Variants in VPS53 observed in about 807,000 individuals in gnomAD.
VPS53 encodes the protein VPS53 subunit of GARP complex.
VPS53 carries 70 observed loss-of-function variants against 107.0 expected under a neutral mutation model. The ratio of observed to expected loss-of-function variants is 0.65; its 90% CI spans 0.54 to 0.80. The LOEUF (loss-of-function observed/expected upper bound fraction) is 0.80. VPS53 is among the 30% of genes least tolerant of loss of function. The pLI, the probability that VPS53 is intolerant of heterozygous loss-of-function variation, is 0.00. For missense variants in VPS53, 917 were observed against 1,049.4 expected (o/e 0.87, Z 1.74); for synonymous variants, 409 against 393.3 (o/e 1.04, Z -0.47).
At chr17:635,911 T>C (rs1203832055) in intron 7 of VPS53, among the ~76,000 whole-genome samples, 1 of 152,204 alleles carries the variant, frequency 6.6e-6, no homozygotes, top group East Asian at 1.9e-4. Context: ...AACTTTAAAG[T>C]AGTTTTTTCC....
rs548840046 is a variant in VPS53 at position 513,451 on chromosome 17, A to T, written c.*5677T>A. On this transcript the variant is annotated 3_prime_UTR_variant, in exon 22 of 22. Coordinates refer to ENST00000437048, the MANE Select transcript of VPS53 (RefSeq NM_001128159.3). ...TATTTAATATATAAAATGTCATCGTACCCTTCATGTAGGCCAGCATTTCAG... is the reference window on the plus strand; with the variant it reads ...TATTTAATATATAAAATGTCATCGTTCCCTTCATGTAGGCCAGCATTTCAG... The T allele has an allele frequency of 2.6e-5, 4 of 152,346 alleles. No homozygotes were observed. In the South Asian group the frequency reaches 8.3e-4, roughly 32 times the overall value. The allele number at this position is 152,346 out of a possible 1,614,324, so 9.4% of individuals were successfully genotyped here.
At chr17:646,015 G>A (rs1970682261) in intron 7 of VPS53, among the ~76,000 whole-genome samples, 1 of 132,526 alleles carries the variant, frequency 7.5e-6, no homozygotes, top group African/African-American at 2.6e-5. Context: ...TCACGGACTG[G>A]AGACTGGCTC....
intron 11 of VPS53, among the ~76,000 whole-genome samples, chr17:622,253 A>G (rs899301542): frequency 4.6e-5 from 7 of 152,076 alleles, no homozygotes. Context: ...AATAAAGGAT[A>G]GTCTTTTCTT....
In VPS53 at chr17:714,837, G is replaced by A. The variant is rs909343269; in HGVS notation, c.-128C>T. On this transcript the variant is annotated 5_prime_UTR_variant, in exon 1 of 22. Transcript: ENST00000437048. The stretch of plus-strand genomic sequence containing the variant: ...TGAGCCCGGCTCCGTCAGCCGCTCT[G>A]TCAGCCGCTCCGGCACTTCCGGCAG... The A allele has an allele frequency of 4.9e-5, 51 of 1,039,126 alleles. No homozygotes were observed. The African/African-American group carries it at 6.3e-4, about 13-fold the overall frequency. The allele number at this position is 1,039,126 out of a possible 1,614,324, so 64.4% of individuals were successfully genotyped here.
intron 12 of VPS53, among the ~76,000 whole-genome samples, chr17:591,841 G>GTA (rs1329590707): frequency 3.3e-5 from 5 of 152,322 alleles, no homozygotes; most frequent in Non-Finnish European, 7.3e-5. Context: ...TGAAAAAAAT[G>GTA]TATATTCTGT....
At chr17:628,899 T>C (rs1483166790) in intron 8 of VPS53, among the ~76,000 whole-genome samples, 1 of 152,214 alleles carries the variant, frequency 6.6e-6, no homozygotes, top group Non-Finnish European at 1.5e-5. Context: ...AGGTCTTTGT[T>C]ACCAAAAGCA....
At chr17:713,431 T>C (rs969056810) in intron 1 of VPS53, among the ~76,000 whole-genome samples, 16 of 151,920 alleles carry the variant, frequency 1.1e-4, no homozygotes, top group African/African-American at 2.9e-4. Context: ...GGCGGGCGGA[T>C]AGCCTGAGGT....
chr17:665,328 C>T (rs997848643), intron 4 of VPS53, among the ~76,000 whole-genome samples: 3 of 152,164 alleles, frequency 2.0e-5, no homozygotes, highest in African/African-American at 4.8e-5. Flanking sequence ...AAGCCCTCGC[C>T]GCGGGAAGAT....
chr17:541,059 TAG>T (rs200345918), intron 17 of VPS53, among the ~76,000 whole-genome samples: 4,099 of 152,252 alleles, frequency 0.027, 84 homozygotes, highest in Middle Eastern at 0.065. Context: ...TTCACTGGAT[TAG>T]AGAGACACAG....
intron 2 of VPS53, among the ~76,000 whole-genome samples, chr17:701,939 A>T (rs1463704255): frequency 6.6e-6 from 1 of 152,022 alleles, no homozygotes; most frequent in Non-Finnish European, 1.5e-5. Flanking sequence ...ATGCTGTCCA[A>T]GCTGATCTTG....
intron 17 of VPS53, among the ~76,000 whole-genome samples, chr17:546,769 C>T (rs184359437): frequency 3.8e-4 from 57 of 151,988 alleles, no homozygotes; most frequent in African/African-American, 8.7e-4. Flanking sequence ...AAAGGTACAA[C>T]GGCACAGTCA....
At chr17:586,547 A>T (rs895062486) in intron 12 of VPS53, among the ~76,000 whole-genome samples, 183 bp from the exon 13 acceptor site, 4 of 152,232 alleles carry the variant, frequency 2.6e-5, no homozygotes, top group African/African-American at 9.6e-5. Flanking sequence ...CTTTGTTAGC[A>T]TAACTCACTT....
At chr17:593,987 T>G (rs1242033585) in intron 12 of VPS53, among the ~76,000 whole-genome samples, 1 of 152,198 alleles carries the variant, frequency 6.6e-6, no homozygotes, top group East Asian at 1.9e-4. Context: ...CCATAAAAAA[T>G]GATGAGTTCG....
intron 11 of VPS53, among the ~76,000 whole-genome samples, chr17:605,824 G>A (rs1477305975): frequency 6.6e-6 from 1 of 152,050 alleles, no homozygotes; most frequent in East Asian, 1.9e-4. Flanking sequence ...GGGGTAAGAG[G>A]GGTGGCGGGA....
intron 4 of VPS53, among the ~76,000 whole-genome samples, chr17:690,984 C>T (rs1034152692): frequency 2.0e-5 from 3 of 152,166 alleles, no homozygotes; most frequent in South Asian, 2.1e-4. Context: ...TTAATGAGCT[C>T]GGCCCAGAAC....
chr17:567,707 T>A (rs1344116743), intron 13 of VPS53, among the ~76,000 whole-genome samples: 1 of 151,734 alleles, frequency 6.6e-6, no homozygotes, highest in Non-Finnish European at 1.5e-5. Flanking sequence ...GGCAACAAAG[T>A]AAGATCCCTA....
rs771732261 is a variant in VPS53 at position 553,365 on chromosome 17, G to A, written c.1787+15C>T. On this transcript the variant is annotated intron_variant, in intron 16 of 21. Transcript: ENST00000437048. ...GAAAGGGCAGGCAGCCAGTAAGTGT[G>A]TGCAGGGTACATACGTGCTGAACGT... is the stretch of plus-strand genomic sequence containing the variant. 1.2e-6 allele frequency: 2 copies of A among 1,613,360 alleles called. No individual in the cohort carries two copies. Among genetic ancestry groups the A allele is most frequent in the Admixed American group, 1.7e-5 (1 of 60,010 alleles).
At chr17:712,545 C>T (rs573277462) in intron 1 of VPS53, among the ~76,000 whole-genome samples, 1 of 152,168 alleles carries the variant, frequency 6.6e-6, no homozygotes, top group African/African-American at 2.4e-5. Context: ...ATTTTATCAA[C>T]CCTTCCTGAC....
intron 4 of VPS53, among the ~76,000 whole-genome samples, chr17:662,450 G>A (rs2143606745): frequency 6.6e-6 from 1 of 152,054 alleles, no homozygotes; most frequent in East Asian, 1.9e-4. Context: ...AGCACTTTGG[G>A]AGGCCAAGGC....
Sources: allele counts gnomAD v4.1 joint callset (sites outside exome capture counted in the v4.1 genomes callset), GRCh38; gene constraint gnomAD v4.1.1; transcripts MANE v1.5; gene names NCBI Gene and HGNC (gene_info 2026-07-23, HGNC 2026-07-21).